The following RCAN2 variants were observed in gnomAD, a reference collection of about 807,000 sequenced individuals.
RCAN2 encodes the protein regulator of calcineurin 2.
A neutral mutation model predicts 23.6 loss-of-function variants in RCAN2; 9 were observed. That is an observed-to-expected ratio of 0.38 (90% CI 0.23 to 0.67). RCAN2 has a LOEUF of 0.67. RCAN2 is among the 30% of genes least tolerant of loss of function. RCAN2 has a pLI of 0.51. For synonymous variants in RCAN2, 109 were observed against 115.7 expected (o/e 0.94, Z 0.37); for missense variants, 273 against 302.3 (o/e 0.90, Z 0.72).
chr6:46,472,008 C>T (rs1768570829), intron 1 of RCAN2, among the ~76,000 whole-genome samples: 1 of 152,164 alleles, frequency 6.6e-6, no homozygotes, highest in Non-Finnish European at 1.5e-5. Flanking sequence ...TTCTTCCTCG[C>T]ATTGTTCTGT....
At position 46,291,274 on chromosome 6, in the gene RCAN2, G is replaced by A. The variant is rs542462889; in HGVS notation, c.226-42378C>T. 3.8e-3 allele frequency among the ~76,000 whole-genome samples: 418 copies of A among 109,976 alleles called. 1 individual carries two copies. The highest frequency in any genetic ancestry group is 0.014 in the African/African-American group (391 of 27,308). The allele number at this position is 109,976 out of a possible 152,430, so 72.1% of individuals were successfully genotyped here. A position where few individuals can be genotyped will look rare whatever the true frequency, so the allele number is the denominator to read the frequency against. On this transcript the variant is annotated intron_variant, in intron 2 of 4. Coordinates refer to ENST00000371374, the MANE Select transcript of RCAN2 (RefSeq NM_001251974.2). Reference sequence around the variant, plus strand: ...ACTGAAAGAATTTAAATGTTAATTCGCCAGTGTTTTTTTTTTTTTTCCACT... The same window carrying A: ...ACTGAAAGAATTTAAATGTTAATTCACCAGTGTTTTTTTTTTTTTTCCACT...
At chr6:46,315,890 AGGTTTGGAAG>A (rs1763417995) in intron 2 of RCAN2, among the ~76,000 whole-genome samples, 2 of 151,504 alleles carry the variant, frequency 1.3e-5, no homozygotes, top group Non-Finnish European at 2.9e-5. Flanking sequence ...TTATCTAGAG[AGGTTTGGAAG>A]AGTTTGGAAG....
At chr6:46,269,202 GT>G (rs1767441458) in intron 2 of RCAN2, among the ~76,000 whole-genome samples, 1 of 152,048 alleles carries the variant, frequency 6.6e-6, no homozygotes, top group Non-Finnish European at 1.5e-5. Context: ...TCTATTATCT[GT>G]TTTTCTTTTC....
At chr6:46,248,994 T>C (rs1766616861) in intron 2 of RCAN2, 98 bp from the exon 3 acceptor site, 1 of 821,408 alleles carries the variant, frequency 1.2e-6, no homozygotes, top group South Asian at 2.1e-5. Flanking sequence ...AAATAGGCTG[T>C]TAATAACATA....
chr6:46,321,157 C>T (rs1052922524), intron 2 of RCAN2, among the ~76,000 whole-genome samples: 23 of 152,096 alleles, frequency 1.5e-4, no homozygotes, highest in Admixed American at 5.2e-4. Context: ...TGTCACTTCC[C>T]CAGAGATGTT....
intron 2 of RCAN2, among the ~76,000 whole-genome samples, chr6:46,364,713 C>T (rs577873608): frequency 2.2e-4 from 34 of 152,288 alleles, no homozygotes; most frequent in Non-Finnish European, 4.0e-4. Context: ...CCTGAAAGTT[C>T]TGGTACCCCA....
chr6:46,402,249 G>T (rs1766266920), intron 2 of RCAN2, among the ~76,000 whole-genome samples: 1 of 152,068 alleles, frequency 6.6e-6, no homozygotes, highest in Non-Finnish European at 1.5e-5. Flanking sequence ...GTGTGTGTGT[G>T]TTGTATGTCC....
At chr6:46,474,721 C>T (rs1768666069) in intron 1 of RCAN2, among the ~76,000 whole-genome samples, 2 of 152,172 alleles carry the variant, frequency 1.3e-5, no homozygotes, top group African/African-American at 4.8e-5. Flanking sequence ...ATGCTGAAGA[C>T]TAAGAAATAA....
chr6:46,433,937 G>A (rs754710287), intron 2 of RCAN2, among the ~76,000 whole-genome samples: 11 of 152,192 alleles, frequency 7.2e-5, no homozygotes, highest in Non-Finnish European at 1.5e-4. Flanking sequence ...CACAATTGGT[G>A]GAGCGGGTAA....
chr6:46,386,492 C>T (rs1460742769), intron 2 of RCAN2, among the ~76,000 whole-genome samples: 1 of 150,874 alleles, frequency 6.6e-6, no homozygotes, highest in Non-Finnish European at 1.5e-5. Flanking sequence ...CTTGTAATCC[C>T]AGCTACTCGG....
intron 2 of RCAN2, among the ~76,000 whole-genome samples, chr6:46,392,468 A>G (rs1020446682): frequency 1.3e-5 from 2 of 152,134 alleles, no homozygotes; most frequent in African/African-American, 4.8e-5. Context: ...TTGATTGTCC[A>G]CATATTCTGT....
intron 2 of RCAN2, among the ~76,000 whole-genome samples, chr6:46,441,691 G>T (rs1437077071): frequency 7.1e-6 from 1 of 140,470 alleles, no homozygotes; most frequent in Non-Finnish European, 1.5e-5. Flanking sequence ...TAAAATAATA[G>T]TCAGGCTATA....
chr6:46,401,719 C>T (rs1160044386), intron 2 of RCAN2, among the ~76,000 whole-genome samples: 1 of 152,154 alleles, frequency 6.6e-6, no homozygotes, highest in African/African-American at 2.4e-5. Flanking sequence ...ATTGTCAGCA[C>T]ATCTTTAGTT....
At chr6:46,242,949 C>T (rs752674546) in intron 4 of RCAN2, among the ~76,000 whole-genome samples, 10 of 152,104 alleles carry the variant, frequency 6.6e-5, no homozygotes, top group African/African-American at 9.7e-5. Context: ...ACTGGGAATA[C>T]CAAAATGAAT....
At chr6:46,397,372 A>AACACACACACAC (rs58494804) in intron 2 of RCAN2, among the ~76,000 whole-genome samples, 75 of 146,236 alleles carry the variant, frequency 5.1e-4, no homozygotes, top group African/African-American at 6.1e-4. Context: ...ATTTCACAGA[A>AACACACACACAC]ACACACACAC....
At chr6:46,414,092 A>G (rs1766630169) in intron 2 of RCAN2, among the ~76,000 whole-genome samples, 1 of 152,218 alleles carries the variant, frequency 6.6e-6, no homozygotes, top group Admixed American at 6.5e-5. Flanking sequence ...TAGAGACAAA[A>G]TTAGAGATTA....
chr6:46,289,338 G>T (rs1490103928), intron 2 of RCAN2, among the ~76,000 whole-genome samples: 11 of 152,354 alleles, frequency 7.2e-5, no homozygotes, highest in Non-Finnish European at 1.5e-5. Context: ...GAGTTGGGTT[G>T]TGAGAATCTT....
Position 46,444,308 on chromosome 6 carries a change from C to T in RCAN2, c.225+12444G>A, listed in dbSNP as rs147797228. 9.2e-5 allele frequency among the ~76,000 whole-genome samples: 14 copies of T among 152,220 alleles called. No individual in the cohort carries two copies. The East Asian group carries it at 2.5e-3, about 27-fold the overall frequency. On this transcript the variant is annotated intron_variant, in intron 2 of 4. Coordinates refer to ENST00000371374, the MANE Select transcript of RCAN2 (RefSeq NM_001251974.2). The stretch of plus-strand genomic sequence containing the variant: ...AGCTAGAATGAAGGGCTGTGGGCAG[C>T]ACAGGCAGGTCAAGGCCAAAGGCTT...
At chr6:46,336,146 G>T (rs1013444832) in intron 2 of RCAN2, among the ~76,000 whole-genome samples, 2 of 152,180 alleles carry the variant, frequency 1.3e-5, no homozygotes, top group African/African-American at 2.4e-5. Context: ...AGACACAGTT[G>T]GAAAGCAGCA....
Sources: gnomAD v4.1 joint callset for allele counts (sites outside exome capture counted in the v4.1 genomes callset) on GRCh38, gnomAD v4.1.1 for gene constraint, MANE v1.5 for transcripts, NCBI Gene and HGNC (gene_info 2026-07-23, HGNC 2026-07-21) for gene names.